Variants in SOCS5 observed in about 807,000 individuals in gnomAD.
SOCS5 encodes the protein CIS-6.
SOCS5 carries 32 observed loss-of-function variants against 42.8 expected under a neutral mutation model. The ratio of observed to expected loss-of-function variants is 0.75; its 90% CI spans 0.56 to 1.01. The LOEUF is 1.01. Among genes scored for constraint, SOCS5 ranks in the 50% least tolerant of loss-of-function variants. The pLI is 0.00. For synonymous variants in SOCS5, 283 were observed against 229.6 expected (o/e 1.23, Z -2.10); for missense variants, 627 against 653.0 (o/e 0.96, Z 0.43).
chr2:46,727,309 G>A (rs1673020780), intron 1 of SOCS5, among the ~76,000 whole-genome samples: 1 of 152,250 alleles, frequency 6.6e-6, no homozygotes, highest in East Asian at 1.9e-4. Context: ...CTGCTTTAAA[G>A]TCTTTGTCAG....
intron 1 of SOCS5, among the ~76,000 whole-genome samples, chr2:46,729,480 G>C (rs149106414): frequency 6.6e-6 from 1 of 152,148 alleles, no homozygotes; most frequent in Non-Finnish European, 1.5e-5. Context: ...CCTGTTGCTC[G>C]TAGGCTACAA....
intron 1 of SOCS5, among the ~76,000 whole-genome samples, chr2:46,746,638 C>T (rs901421398): frequency 2.7e-5 from 4 of 149,178 alleles, no homozygotes; most frequent in African/African-American, 9.9e-5. Flanking sequence ...GCGACAGAGA[C>T]TCCATCTCAA....
Position 46,760,096 on chromosome 2 carries a change from A to T in SOCS5, c.1566A>T (p.Lys522Asn). ...TAAAAGAGTATCATTATAAACAAAAAGTTAGAGTTCGCTGGTTGGAACGAG... is the reference window on the plus strand; with the variant it reads ...TAAAAGAGTATCATTATAAACAAAATGTTAGAGTTCGCTGGTTGGAACGAG... ...DFLKEYHYKQKVRVRWLEREP... is the reference protein window; with the variant it reads ...DFLKEYHYKQNVRVRWLEREP... Residue 522 changes from lysine to asparagine, a missense_variant, in exon 2 of 2, where the codon AAA becomes AAT. Lys to Asn is a moderately conservative substitution (Grantham distance 94). This residue lies in a region of SOCS5 where 340 missense variants were observed against 367.6 expected (regional missense o/e 0.92). Transcript: ENST00000394861. 1 of 1,613,900 alleles carries T rather than the reference A, an allele frequency of 6.2e-7. No individual in the cohort carries two copies. The highest frequency in any genetic ancestry group is 8.5e-7 in the Non-Finnish European group (1 of 1,179,860).
At chr2:46,703,948 C>T (rs568534896) in intron 1 of SOCS5, among the ~76,000 whole-genome samples, 2 of 152,230 alleles carry the variant, frequency 1.3e-5, no homozygotes, top group South Asian at 4.2e-4. Context: ...AAATTTGCAT[C>T]TTAGTGACCT....
intron 1 of SOCS5, among the ~76,000 whole-genome samples, chr2:46,730,715 A>G (rs1673096882): frequency 1.3e-5 from 2 of 152,326 alleles, no homozygotes; most frequent in South Asian, 4.1e-4. Context: ...GACATTTTAT[A>G]TACACTTGCT....
At chr2:46,711,547 T>C (rs191822242) in intron 1 of SOCS5, among the ~76,000 whole-genome samples, 49 of 152,312 alleles carry the variant, frequency 3.2e-4, no homozygotes, top group Non-Finnish European at 6.3e-4. Flanking sequence ...GTGTTAGAGA[T>C]TTTTCTTCCA....
At chr2:46,727,670 ATCTC>A (rs1448346593) in intron 1 of SOCS5, among the ~76,000 whole-genome samples, 1 of 151,998 alleles carries the variant, frequency 6.6e-6, no homozygotes, top group Non-Finnish European at 1.5e-5. Flanking sequence ...ATAGGTGGTA[ATCTC>A]TCTCTTAGTT....
intron 1 of SOCS5, among the ~76,000 whole-genome samples, chr2:46,748,086 A>G (rs1362346955): frequency 6.6e-6 from 1 of 152,172 alleles, no homozygotes; most frequent in Non-Finnish European, 1.5e-5. Flanking sequence ...TTACGTGATT[A>G]AAAGTTATCC....
chr2:46,741,603 A>G (rs1249041483), intron 1 of SOCS5, among the ~76,000 whole-genome samples: 2 of 152,144 alleles, frequency 1.3e-5, no homozygotes, highest in African/African-American at 2.4e-5. Flanking sequence ...TTTCCTAACT[A>G]TATTTTTTAA....
chr2:46,731,714 T>G (rs1673129205), intron 1 of SOCS5, among the ~76,000 whole-genome samples: 1 of 152,216 alleles, frequency 6.6e-6, no homozygotes, highest in Non-Finnish European at 1.5e-5. Flanking sequence ...GTATACATTC[T>G]TAAAAATCAC....
At chr2:46,712,717 G>T (rs1672655102) in intron 1 of SOCS5, among the ~76,000 whole-genome samples, 1 of 152,140 alleles carries the variant, frequency 6.6e-6, no homozygotes, top group South Asian at 2.1e-4. Flanking sequence ...CTATTAAGAT[G>T]GTGAATTACA....
rs184713714 is a variant in SOCS5 at position 46,729,301 on chromosome 2, T to G, written c.-12-29218T>G. Among the ~76,000 whole-genome samples, 17 of 152,304 alleles carry G rather than the reference T, an allele frequency of 1.1e-4. No homozygotes were observed. The East Asian group carries it at 3.3e-3, about 29-fold the overall frequency. On this transcript the variant is annotated intron_variant, in intron 1 of 1. Transcript: ENST00000394861. Reference sequence around the variant, plus strand: ...TATAAATACTGTGACTTAAAAAATTTAAATGTATGCATATAATAGGGGATC... The same window carrying G: ...TATAAATACTGTGACTTAAAAAATTGAAATGTATGCATATAATAGGGGATC...
At chr2:46,708,274 T>C (rs927301446) in intron 1 of SOCS5, among the ~76,000 whole-genome samples, 6 of 152,190 alleles carry the variant, frequency 3.9e-5, no homozygotes, top group African/African-American at 1.4e-4. Flanking sequence ...ATTTTGTTAA[T>C]GTTAGAAGGT....
intron 1 of SOCS5, among the ~76,000 whole-genome samples, chr2:46,752,418 T>C (rs1431961822): frequency 6.6e-6 from 1 of 152,162 alleles, no homozygotes. Flanking sequence ...AGTCTCTGAG[T>C]GCCTCTTCTA....
chr2:46,743,574 ATGACC>A (rs1673425822), intron 1 of SOCS5, among the ~76,000 whole-genome samples: 1 of 152,112 alleles, frequency 6.6e-6, no homozygotes, highest in South Asian at 2.1e-4. Context: ...CAAGGTCATT[ATGACC>A]TGTATTTTGT....
At chr2:46,758,114 A>G (rs1209385855) in intron 1 of SOCS5, among the ~76,000 whole-genome samples, 1 of 152,254 alleles carries the variant, frequency 6.6e-6, no homozygotes, top group African/African-American at 2.4e-5. Flanking sequence ...TGTTACACAA[A>G]TGTTCTAGTT....
chr2:46,722,213 T>C (rs1394176427), intron 1 of SOCS5, among the ~76,000 whole-genome samples: 1 of 152,112 alleles, frequency 6.6e-6, no homozygotes, highest in African/African-American at 2.4e-5. Context: ...TATACCCATG[T>C]CATATCTTTG....
intron 1 of SOCS5, among the ~76,000 whole-genome samples, chr2:46,736,591 T>G (rs891972214): frequency 6.6e-6 from 1 of 152,232 alleles, no homozygotes; most frequent in East Asian, 1.9e-4. Flanking sequence ...CTTTTATGAC[T>G]GGTTTATTCC....
intron 1 of SOCS5, among the ~76,000 whole-genome samples, chr2:46,711,666 G>A (rs1672625600): frequency 3.3e-5 from 5 of 151,968 alleles, no homozygotes; most frequent in Admixed American, 2.6e-4. Flanking sequence ...TGTTTTTCTG[G>A]GTCCTGTCTA....
Sources: allele counts gnomAD v4.1 joint callset (sites outside exome capture counted in the v4.1 genomes callset), GRCh38; gene constraint gnomAD v4.1.1; regional missense constraint gnomAD v4.1.1; transcripts MANE v1.5; gene names NCBI Gene and HGNC (gene_info 2026-07-23, HGNC 2026-07-21).